Variants in NAV2 observed in about 807,000 individuals in gnomAD.
NAV2 encodes helicase, APC down-regulated 1.
Under a neutral mutation model 223.2 loss-of-function variants are expected in NAV2, and 54 were observed. The observed-to-expected ratio is 0.24, with a 90% CI of 0.19 to 0.30. The LOEUF (loss-of-function observed/expected upper bound fraction) is 0.30. Ranked by LOEUF, NAV2 falls within the 10% of genes least tolerant of loss-of-function variation. The probability of loss-of-function intolerance (pLI) is 1.00; values close to 1 mark genes in which losing one functional copy is unlikely to be tolerated. For missense variants in NAV2, 2,806 were observed against 3,147.5 expected, an observed-to-expected ratio of 0.89 and a Z score of 2.60; for synonymous variants, 1,279 against 1,239.3, an observed-to-expected ratio of 1.03 and a Z score of -0.67.
intron 1 of NAV2, among the ~76,000 whole-genome samples, chr11:19,417,354 T>G (rs561439262): frequency 2.0e-5 from 3 of 152,300 alleles, no homozygotes; most frequent in African/African-American, 7.2e-5. Flanking sequence ...AAGCTCATCA[T>G]CACTGATAAT....
At chr11:19,361,448 C>T (rs1406824217) in intron 1 of NAV2, among the ~76,000 whole-genome samples, 1 of 152,014 alleles carries the variant, frequency 6.6e-6, no homozygotes, top group Non-Finnish European at 1.5e-5. Flanking sequence ...GATTCATTGA[C>T]TTCTTGGTCT....
chr11:19,791,433 G>A (rs987643842), intron 1 of NAV2, among the ~76,000 whole-genome samples: 77 of 152,096 alleles, frequency 5.1e-4, no homozygotes, highest in Non-Finnish European at 1.3e-4. Flanking sequence ...GCCCAGGTGT[G>A]GAGCCCCTGG....
At chr11:19,712,661 G>C (rs764065924), upstream of NAV2, 1 of 152,358 alleles carries the variant, frequency 6.6e-6, no homozygotes, top group East Asian at 1.9e-4. Flanking sequence ...GCGGCCACCA[G>C]CCCGCTTTGT....
At chr11:19,786,880 C>T (rs1375075919) in intron 1 of NAV2, among the ~76,000 whole-genome samples, 3 of 152,104 alleles carry the variant, frequency 2.0e-5, no homozygotes, top group Non-Finnish European at 4.4e-5. Flanking sequence ...GCCTCAGCTA[C>T]TGGGGAGGTG....
chr11:19,579,766 G>A (rs769055392), intron 1 of NAV2, among the ~76,000 whole-genome samples: 9 of 152,108 alleles, frequency 5.9e-5, no homozygotes, highest in Non-Finnish European at 1.2e-4. Context: ...CCTGGTCTAG[G>A]TAGATTCTAG....
intron 22 of NAV2, among the ~76,000 whole-genome samples, chr11:20,070,163 T>C (rs2059309718): frequency 1.3e-5 from 2 of 152,182 alleles, no homozygotes; most frequent in African/African-American, 4.8e-5. Flanking sequence ...AACAGTATTC[T>C]ATAGACAGGT....
intron 35 of NAV2, chr11:20,107,330 C>G (rs1368101076): frequency 5.6e-6 from 1 of 177,460 alleles, no homozygotes; most frequent in African/African-American, 2.4e-5. Context: ...TTGTGATCCA[C>G]CCGCCTCAGC....
At chr11:20,114,538 C>T in intron 36 of NAV2, 54 bp from the exon 37 acceptor site, 1 of 1,556,072 alleles carries the variant, frequency 6.4e-7, no homozygotes. Context: ...AAAACTGGGG[C>T]TACGAGAGAG....
At chr11:19,634,973 G>A (rs2047449947) in intron 1 of NAV2, among the ~76,000 whole-genome samples, 1 of 152,200 alleles carries the variant, frequency 6.6e-6, no homozygotes, top group African/African-American at 2.4e-5. Context: ...TACGTTAACT[G>A]CTGTAATAAG....
intron 1 of NAV2, among the ~76,000 whole-genome samples, chr11:19,707,735 A>AAAT (rs1302040812): frequency 2.0e-5 from 3 of 152,216 alleles, no homozygotes; most frequent in East Asian, 3.8e-4. Context: ...ATAAAGTATT[A>AAAT]GGCACTGTAC....
intron 1 of NAV2, among the ~76,000 whole-genome samples, chr11:19,570,119 A>G (rs1463416651): frequency 6.6e-6 from 1 of 152,100 alleles, no homozygotes; most frequent in Non-Finnish European, 1.5e-5. Context: ...ATTGGAGATG[A>G]GGGGATAATG....
chr11:19,406,574 T>C (rs1177678828), intron 1 of NAV2, among the ~76,000 whole-genome samples: 1 of 152,116 alleles, frequency 6.6e-6, no homozygotes, highest in African/African-American at 2.4e-5. Flanking sequence ...GCCCCGCCAA[T>C]GAAGTTATAC....
chr11:20,059,155 T>G (rs1290726387), intron 19 of NAV2, among the ~76,000 whole-genome samples: 1 of 152,126 alleles, frequency 6.6e-6, no homozygotes, highest in African/African-American at 2.4e-5. Context: ...CTTCCTTTGC[T>G]GGTGGAGAGG....
chr11:19,357,748 T>C (rs1034848438), intron 1 of NAV2, among the ~76,000 whole-genome samples: 1 of 152,214 alleles, frequency 6.6e-6, no homozygotes, highest in Non-Finnish European at 1.5e-5. Flanking sequence ...GTACAGTCAG[T>C]GGAGACAACA....
chr11:19,672,221 AG>A (rs968241547), intron 1 of NAV2, among the ~76,000 whole-genome samples: 1 of 152,192 alleles, frequency 6.6e-6, no homozygotes, highest in Non-Finnish European at 1.5e-5. Flanking sequence ...AGTCTCACCA[AG>A]TCCCCAGCCC....
chr11:19,697,545 G>T (rs1404776435), intron 1 of NAV2, among the ~76,000 whole-genome samples: 1 of 151,604 alleles, frequency 6.6e-6, no homozygotes, highest in African/African-American at 2.4e-5. Flanking sequence ...ATAGAGGAAA[G>T]ATTAAAGGGC....
At chr11:19,415,448 A>G (rs957806515) in intron 1 of NAV2, among the ~76,000 whole-genome samples, 1 of 152,226 alleles carries the variant, frequency 6.6e-6, no homozygotes, top group African/African-American at 2.4e-5. Context: ...TGAGGCAGTA[A>G]TTAATAGCCT....
chr11:19,860,507 T>C (rs2061696226), intron 3 of NAV2, among the ~76,000 whole-genome samples: 1 of 147,244 alleles, frequency 6.8e-6, no homozygotes, highest in South Asian at 2.2e-4. Context: ...ACTTCCTAGA[T>C]GGGATGGCGG....
chr11:19,708,789 G>A (rs1439797524), upstream of NAV2, among the ~76,000 whole-genome samples: 2 of 151,820 alleles, frequency 1.3e-5, no homozygotes, highest in African/African-American at 2.4e-5. Context: ...CTGACATTTG[G>A]GTGATTCTGC....
Sources: gnomAD v4.1 joint callset for allele counts (sites outside exome capture counted in the v4.1 genomes callset) on GRCh38, gnomAD v4.1.1 for gene constraint, MANE v1.5 for transcripts, NCBI Gene and HGNC (gene_info 2026-07-23, HGNC 2026-07-21) for gene names.